The following FAM83F variants were observed in gnomAD, a reference collection of about 807,000 sequenced individuals.
FAM83F encodes scaffolding CK1 anchoring protein F, also known as protein FAM83F.
Under a neutral mutation model 42.9 loss-of-function variants are expected in FAM83F, and 45 were observed. The ratio of observed to expected loss-of-function variants is 1.05; its 90% CI spans 0.83 to 1.35. The LOEUF is 1.35. Ranked by LOEUF, FAM83F falls within the 40% of genes most tolerant of loss-of-function variation. FAM83F has a pLI of 0.00. For missense variants in FAM83F, 617 were observed against 695.9 expected, an observed-to-expected ratio of 0.89 and a Z score of 1.28; for synonymous variants, 306 against 298.3, an observed-to-expected ratio of 1.03 and a Z score of -0.27.
At position 40,022,212 on chromosome 22, in the gene FAM83F, A is replaced by G. The variant is rs1601771487; in HGVS notation, c.1453+249A>G. 3.9e-5 allele frequency among the ~76,000 whole-genome samples: 6 copies of G among 152,318 alleles called. No homozygotes were observed. In the East Asian group the frequency reaches 9.7e-4, roughly 25 times the overall value. The stretch of plus-strand genomic sequence containing the variant: ...TTTTCCTCTTCTCTGAAAAAAGAGA[A>G]GGATTCCAGGCTTGGCATGGAGGGG... On this transcript the variant is annotated intron_variant, in intron 4 of 4. Coordinates refer to ENST00000333407, the MANE Select transcript of FAM83F (RefSeq NM_138435.4).
chr22:40,020,065 C>G, intron 3 of FAM83F, 57 bp downstream of exon 3: 2 of 1,562,666 alleles, frequency 1.3e-6, no homozygotes, highest in Non-Finnish European at 1.7e-6. Flanking sequence ...GGTAGGTGTT[C>G]AGGAAGATGC....
chr22:40,018,326 A>C (rs550003178), intron 1 of FAM83F, among the ~76,000 whole-genome samples: 35 of 152,162 alleles, frequency 2.3e-4, no homozygotes, highest in Non-Finnish European at 4.9e-4. Flanking sequence ...CACGGAGATG[A>C]GCCCACCCCT....
intron 1 of FAM83F, among the ~76,000 whole-genome samples, chr22:40,016,185 C>CGTT (rs149778196): frequency 7.4e-5 from 6 of 80,778 alleles, no homozygotes; most frequent in Admixed American, 3.0e-4. Context: ...ATTGACTATA[C>CGTT]GTTGTTGTTG....
At position 40,001,106 on chromosome 22, in the gene FAM83F, T is replaced by C. The variant is rs200509151; in HGVS notation, c.489+5575T>C. 3.7e-4 allele frequency among the ~76,000 whole-genome samples: 56 copies of C among 152,342 alleles called. 1 individual carries two copies. The East Asian group carries it at 5.0e-3, about 14-fold the overall frequency. On this transcript the variant is annotated intron_variant, in intron 1 of 4. Coordinates refer to ENST00000333407, the MANE Select transcript of FAM83F (RefSeq NM_138435.4). ...GTATTCCTGGCAAGCCCTGGACGAA[T>C]TGGCTATTGGGTTCTGAGTCTTTCT...
At chr22:40,007,666 C>A in intron 1 of FAM83F, among the ~76,000 whole-genome samples, 1 of 127,228 alleles carries the variant, frequency 7.9e-6, no homozygotes, top group Non-Finnish European at 1.7e-5. Context: ...GTTTCCTCTC[C>A]TCTCCTCCTC....
intron 1 of FAM83F, among the ~76,000 whole-genome samples, chr22:40,008,352 G>A (rs1228122012): frequency 2.6e-5 from 4 of 152,178 alleles, no homozygotes; most frequent in African/African-American, 9.7e-5. Context: ...CCTTTGTTCT[G>A]GGCTCCATCA....
chr22:40,010,268 C>T (rs714008), intron 1 of FAM83F: 10,917 of 152,210 alleles, frequency 0.072, 546 homozygotes, highest in Non-Finnish European at 0.11. Context: ...GAAGTTCGCT[C>T]GGTGTGGGGA....
chr22:40,027,094 A>G (rs1601773353), intron 4 of FAM83F, among the ~76,000 whole-genome samples: 1 of 151,934 alleles, frequency 6.6e-6, no homozygotes, highest in Non-Finnish European at 1.5e-5. Context: ...GCTTTTATGG[A>G]GCATGTTACC....
rs536891644 is a variant in FAM83F at position 40,009,211 on chromosome 22, TC to T, written c.490-9954del. 1.9e-4 allele frequency among the ~76,000 whole-genome samples: 29 copies of T among 151,976 alleles called. No homozygotes were observed. The South Asian group carries it at 6.0e-3, about 32-fold the overall frequency. On this transcript the variant is annotated intron_variant, in intron 1 of 4. Transcript: ENST00000333407. Reference sequence around the variant, plus strand: ...TGGGTAGGTAATCAGTGGGAAAGTGTCCCTAGCTGCTTCCCTTCCTTCCCCA... The same window carrying T: ...TGGGTAGGTAATCAGTGGGAAAGTGTCCTAGCTGCTTCCCTTCCTTCCCCA...
At position 40,021,432 on chromosome 22, in the gene FAM83F, G is replaced by A; in HGVS notation, c.922G>A (p.Gly308Ser). The change falls in exon 4 of 5, where the codon GGC (glycine) becomes AGC (serine). Residue 308 changes from glycine to serine, a missense_variant. By Grantham distance (56) the Gly-to-Ser change is moderately conservative. Coordinates refer to ENST00000333407, the MANE Select transcript of FAM83F (RefSeq NM_138435.4). This position sits in a 1 kb window ranked among gnomAD's most constrained non-coding sequence, Gnocchi z 8.7. ...CTTGTACCGGCAGCTGAGCCTGGCG[G>A]GCAGGGTTGGCCTCCATTACTCCTC... Reference protein sequence around the residue: ...VDLYRQLSLAGRVGLHYSSTV... With the variant: ...VDLYRQLSLASRVGLHYSSTV... The A allele has an allele frequency of 1.2e-6, 2 of 1,613,542 alleles. No homozygotes were observed. The highest frequency in any genetic ancestry group is 1.7e-6 in the Non-Finnish European group (2 of 1,179,674).
At position 39,995,422 on chromosome 22, in the gene FAM83F, G is replaced by T; in HGVS notation, c.380G>T (p.Gly127Val). 6.4e-7 allele frequency: 1 copy of T among 1,551,922 alleles called. No individual in the cohort carries two copies. The highest frequency in any genetic ancestry group is 1.4e-5 in the African/African-American group (1 of 73,200). ...PPLDLGWTDT[G>V]FYRGVSRVTL... Reference sequence around the variant, plus strand: ...CTGGACCTGGGCTGGACGGACACTGGTTTCTACCGCGGCGTGAGCCGGGTC... The same window carrying T: ...CTGGACCTGGGCTGGACGGACACTGTTTTCTACCGCGGCGTGAGCCGGGTC... Residue 127 changes from glycine (G) to valine (V), a missense_variant, in exon 1 of 5, where the codon GGT (glycine) becomes GTT (valine). By Grantham distance (109) the Gly-to-Val change is moderately radical (BLOSUM62 -3). Transcript: ENST00000333407. This position sits in a 1 kb window ranked among gnomAD's most constrained non-coding sequence, Gnocchi z 4.6.
At position 40,035,909 on chromosome 22, in the gene FAM83F, T is replaced by C. The variant is rs953186077; in HGVS notation, c.*6344T>C. The C allele has an allele frequency of 6.6e-6, 1 of 152,228 alleles. No individual in the cohort carries two copies. The highest frequency in any genetic ancestry group is 1.5e-5 in the Non-Finnish European group (1 of 68,044). 9.4% of individuals were successfully genotyped at this position (152,228 alleles called of 1,614,324 possible). A position where few individuals can be genotyped will look rare whatever the true frequency, so the allele number is the denominator to read the frequency against. ...TTCTCTCCTAGATCCTCCCCTTTAATTCCCTGTGAAATTTACCACTTTCAT... is the reference window on the plus strand; with the variant it reads ...TTCTCTCCTAGATCCTCCCCTTTAACTCCCTGTGAAATTTACCACTTTCAT... On this transcript the variant is annotated 3_prime_UTR_variant, in exon 5 of 5. Coordinates refer to ENST00000333407, the MANE Select transcript of FAM83F (RefSeq NM_138435.4).
intron 1 of FAM83F, among the ~76,000 whole-genome samples, chr22:40,018,698 TCTC>T (rs1282418126): frequency 6.6e-6 from 1 of 151,960 alleles, no homozygotes; most frequent in Non-Finnish European, 1.5e-5. Flanking sequence ...TTCAGGCAAT[TCTC>T]CTGCCTCAGC....
rs563529855 is a variant in FAM83F at position 40,022,039 on chromosome 22, C to T, written c.1453+76C>T. ...CCCCGCATCGGCTCTTATCCAGGAGCACTGCCTCATACCTGCAGAGGAGTA... is the reference window on the plus strand; with the variant it reads ...CCCCGCATCGGCTCTTATCCAGGAGTACTGCCTCATACCTGCAGAGGAGTA... On this transcript the variant is annotated intron_variant, in intron 4 of 4. Coordinates refer to ENST00000333407, the MANE Select transcript of FAM83F (RefSeq NM_138435.4). 8.7e-5 allele frequency: 111 copies of T among 1,279,632 alleles called. 1 individual carries two copies. The South Asian group carries it at 1.6e-3, about 18-fold the overall frequency. 79.3% of individuals were successfully genotyped at this position (1,279,632 alleles called of 1,614,324 possible).
rs935228475 is a variant in FAM83F at position 40,023,734 on chromosome 22, G to A, written c.1453+1771G>A. 1.3e-5 allele frequency among the ~76,000 whole-genome samples: 2 copies of A among 152,276 alleles called. No individual in the cohort carries two copies. The highest frequency in any genetic ancestry group is 2.9e-5 in the Non-Finnish European group (2 of 68,004). On this transcript the variant is annotated intron_variant, in intron 4 of 4. Transcript: ENST00000333407. The surrounding 1 kb of genome is among the most constrained non-coding windows in gnomAD (Gnocchi z 4.1). ...AGGAGCCAGCCTTGCAGACACAGAC[G>A]GTACCCTTGGGAAGCTCCTCTCCAG...
chr22:40,019,847 G>A lies in FAM83F; in HGVS notation c.658-40G>A, dbSNP rs1465390801. 9 of 1,578,858 alleles carry A rather than the reference G, an allele frequency of 5.7e-6. No homozygotes were observed. In the East Asian group the frequency reaches 1.4e-4, roughly 24 times the overall value. Reference sequence around the variant, plus strand: ...AAGCAAGGACCTGGCACGGAGGCTGGCCCAACCCAGGTGACAGGGCCTTCT... The same window carrying A: ...AAGCAAGGACCTGGCACGGAGGCTGACCCAACCCAGGTGACAGGGCCTTCT... On this transcript the variant is annotated intron_variant, in intron 2 of 4. Coordinates refer to ENST00000333407, the MANE Select transcript of FAM83F (RefSeq NM_138435.4).
intron 1 of FAM83F, among the ~76,000 whole-genome samples, chr22:40,012,507 T>C (rs200076465): frequency 1.3e-5 from 2 of 151,896 alleles, no homozygotes; most frequent in South Asian, 2.1e-4. Flanking sequence ...CGGTGGTTCA[T>C]ACCTGAAATC....
In FAM83F at chr22:40,043,502, T is replaced by C. The variant is rs1298927469; in HGVS notation, c.*13937T>C. On this transcript the variant is annotated 3_prime_UTR_variant, in exon 5 of 5. Transcript: ENST00000333407. Reference sequence around the variant, plus strand: ...TCCAGGAGCTGAAGGGCTGTTCTCTTTGCATGCAATAAATTATTCATTTCT... The same window carrying C: ...TCCAGGAGCTGAAGGGCTGTTCTCTCTGCATGCAATAAATTATTCATTTCT... 6.6e-6 allele frequency: 1 copy of C among 152,202 alleles called. No homozygotes were observed. Among genetic ancestry groups the C allele is most frequent in the Non-Finnish European group, 1.5e-5 (1 of 68,042 alleles). The allele number at this position is 152,202 out of a possible 1,614,324, so 9.4% of individuals were successfully genotyped here.
rs775236815 is a variant in FAM83F at position 39,995,306 on chromosome 22, G to A, written c.264G>A (p.Lys88=). The change falls in exon 1 of 5, where the codon AAG becomes AAA. Residue 88 remains lysine, a synonymous_variant. Coordinates refer to ENST00000333407, the MANE Select transcript of FAM83F (RefSeq NM_138435.4). The surrounding 1 kb of genome is among the most constrained non-coding windows in gnomAD (Gnocchi z 4.6). ...CCGCCAACGCCCGGGGCAAGAGCAAGGCCAAGGCCAAGGCCCCCGCGCCGG... is the reference window on the plus strand; with the variant it reads ...CCGCCAACGCCCGGGGCAAGAGCAAAGCCAAGGCCAAGGCCCCCGCGCCGG... ...VPAANARGKS[K]AKAKAPAPAP... is the part of the protein sequence containing the mutation. 3.9e-6 allele frequency: 6 copies of A among 1,537,258 alleles called. No homozygotes were observed. In the South Asian group the frequency reaches 6.0e-5, roughly 15 times the overall value.
Sources: gnomAD v4.1 joint callset for allele counts (sites outside exome capture counted in the v4.1 genomes callset) on GRCh38, gnomAD v4.1.1 for gene constraint, Gnocchi (gnomAD v3.1) non-coding constraint, MANE v1.5 for transcripts, NCBI Gene and HGNC (gene_info 2026-07-23, HGNC 2026-07-21) for gene names.